KALRN: variants seen among roughly 807,000 people sequenced by gnomAD.
The protein encoded by KALRN is kalirin RhoGEF kinase, also known as kalirin.
KALRN carries 70 observed loss-of-function variants against 353.7 expected under a neutral mutation model. That is an observed-to-expected ratio of 0.20 (90% confidence interval 0.16 to 0.24). KALRN has a LOEUF of 0.24. KALRN is among the 10% of genes least tolerant of loss of function. The probability of loss-of-function intolerance (pLI) is 1.00; values close to 1 mark genes in which losing one functional copy is unlikely to be tolerated. For synonymous variants in KALRN, 1,391 were observed against 1,434.8 expected, an observed-to-expected ratio of 0.97 and a Z score of 0.69; for missense variants, 2,791 against 3,756.7, an observed-to-expected ratio of 0.74 and a Z score of 6.72.
At chr3:124,497,727 G>A (rs565629533) in intron 33 of KALRN, among the ~76,000 whole-genome samples, 109 of 152,294 alleles carry the variant, frequency 7.2e-4, no homozygotes, top group South Asian at 4.8e-3. Flanking sequence ...ATATAACCTA[G>A]TGTTCCTAGT....
At position 124,593,028 on chromosome 3, in the gene KALRN, A is replaced by G. The variant is rs57387392; in HGVS notation, c.5182+29939A>G. On this transcript the variant is annotated intron_variant, in intron 34 of 59. Transcript: ENST00000682506. ...TCCTAAAATGTTTCTGTTTCCAGGT[A>G]TGTGCTCTTCCCAGCGCAGGATTAG... 8.3e-3 allele frequency among the ~76,000 whole-genome samples: 1,256 copies of G among 152,188 alleles called. 15 individuals carry two copies. Among genetic ancestry groups the G allele is most frequent in the African/African-American group, 0.028 (1,142 of 41,492 alleles).
intron 13 of KALRN, among the ~76,000 whole-genome samples, chr3:124,411,402 C>T (rs1309203117): frequency 7.5e-6 from 1 of 132,622 alleles, no homozygotes; most frequent in African/African-American, 2.8e-5. Context: ...TCTATAAAAA[C>T]TGTAAAAGCC....
At chr3:124,381,464 G>A (rs1342410378) in intron 10 of KALRN, among the ~76,000 whole-genome samples, 1 of 152,182 alleles carries the variant, frequency 6.6e-6, no homozygotes, top group Non-Finnish European at 1.5e-5. Flanking sequence ...TTAAGTAGAA[G>A]ACAGTTGTGA....
chr3:124,273,540 G>A (rs1025196908), intron 5 of KALRN, among the ~76,000 whole-genome samples: 3 of 152,146 alleles, frequency 2.0e-5, no homozygotes, highest in African/African-American at 4.8e-5. Context: ...TTGGACATAC[G>A]TATACACCTA....
chr3:124,411,894 C>G (rs2092193414), intron 13 of KALRN, among the ~76,000 whole-genome samples: 1 of 152,074 alleles, frequency 6.6e-6, no homozygotes, highest in Non-Finnish European at 1.5e-5. Context: ...CAAGGATGCC[C>G]CACAATAAGT....
At chr3:124,193,585 A>G (rs1291266148) in intron 1 of KALRN, among the ~76,000 whole-genome samples, 1 of 151,948 alleles carries the variant, frequency 6.6e-6, no homozygotes, top group Admixed American at 6.6e-5. Flanking sequence ...ACTCCTTTCT[A>G]CATATACAAT....
intron 34 of KALRN, among the ~76,000 whole-genome samples, chr3:124,565,598 G>A (rs2072705238): frequency 6.6e-6 from 1 of 152,236 alleles, no homozygotes; most frequent in African/African-American, 2.4e-5. Context: ...ATCAAGCACA[G>A]CAATTCATTT....
chr3:124,154,044 A>G (rs2068600631), intron 1 of KALRN, among the ~76,000 whole-genome samples: 1 of 152,176 alleles, frequency 6.6e-6, no homozygotes, highest in South Asian at 2.1e-4. Flanking sequence ...GTAGGTTGCA[A>G]AAATTTTCTC....
intron 3 of KALRN, among the ~76,000 whole-genome samples, chr3:124,257,465 G>A (rs1036269540): frequency 1.3e-5 from 2 of 152,230 alleles, no homozygotes; most frequent in African/African-American, 2.4e-5. Context: ...AGATAGCACA[G>A]GCTTACTAAG....
In KALRN at chr3:124,667,024, G is replaced by A. The variant is rs2085724878; in HGVS notation, c.6544G>A (p.Val2182Ile). Residue 2182 changes from valine to isoleucine, a missense_variant, in exon 47 of 60, where the codon GTC becomes ATC. Around this residue, in one of 11 missense-constraint regions of KALRN, gnomAD observed 1,065 missense variants for 1,156.4 expected, o/e 0.92. Transcript: ENST00000682506. ...FKRSIKMNYLVLEENVDNDPC... is the reference protein window; with the variant it reads ...FKRSIKMNYLILEENVDNDPC... The stretch of plus-strand genomic sequence containing the variant: ...CGTTTTCTTCCAGATGAATTACTTG[G>A]TCCTGGAGGAGAATGTGGACAATGA... 1 of 1,608,534 alleles carries A rather than the reference G, an allele frequency of 6.2e-7. No individual in the cohort carries two copies. Among genetic ancestry groups the A allele is most frequent in the Non-Finnish European group, 8.5e-7 (1 of 1,175,986 alleles).
At chr3:124,361,774 C>T (rs911986428) in intron 10 of KALRN, among the ~76,000 whole-genome samples, 4 of 127,502 alleles carry the variant, frequency 3.1e-5, no homozygotes, top group African/African-American at 1.2e-4. Flanking sequence ...TCCATAAAAC[C>T]GGCTGGGGTG....
chr3:124,412,132 G>A (rs528580849), intron 13 of KALRN, among the ~76,000 whole-genome samples: 1 of 152,256 alleles, frequency 6.6e-6, no homozygotes, highest in South Asian at 2.1e-4. Flanking sequence ...CCTTGTGAGG[G>A]GCTGCTTGGC....
chr3:124,057,022 T>A (rs2041613537), intron 1 of KALRN, among the ~76,000 whole-genome samples: 1 of 152,250 alleles, frequency 6.6e-6, no homozygotes, highest in African/African-American at 2.4e-5. Flanking sequence ...GCAAATCTTT[T>A]TCCCCAGAGT....
intron 45 of KALRN, among the ~76,000 whole-genome samples, chr3:124,666,248 C>T (rs996134038): frequency 2.6e-5 from 4 of 152,216 alleles, no homozygotes; most frequent in Non-Finnish European, 5.9e-5. Context: ...CCCTCCAGGG[C>T]CCTTGTGTGA....
intron 38 of KALRN, among the ~76,000 whole-genome samples, chr3:124,654,065 A>T (rs2083712060): frequency 6.6e-6 from 1 of 152,234 alleles, no homozygotes; most frequent in Non-Finnish European, 1.5e-5. Flanking sequence ...TATCGCCTGG[A>T]GACAGAGAGC....
At chr3:124,138,171 C>G (rs1253542925) in intron 1 of KALRN, among the ~76,000 whole-genome samples, 1 of 152,162 alleles carries the variant, frequency 6.6e-6, no homozygotes, top group African/African-American at 2.4e-5. Flanking sequence ...TTCTCTTTGC[C>G]CCTCACTGCC....
At chr3:124,296,030 C>T (rs1316120667) in intron 5 of KALRN, among the ~76,000 whole-genome samples, 2 of 152,156 alleles carry the variant, frequency 1.3e-5, no homozygotes, top group African/African-American at 4.8e-5. Flanking sequence ...AAGAATGGTC[C>T]TTTCGTCCTT....
chr3:124,636,435 C>A (rs905342008), intron 36 of KALRN, among the ~76,000 whole-genome samples: 1 of 152,232 alleles, frequency 6.6e-6, no homozygotes, highest in Non-Finnish European at 1.5e-5. Context: ...CAACTCCTCA[C>A]TGCTGGTGCA....
intron 3 of KALRN, among the ~76,000 whole-genome samples, chr3:124,261,342 A>T (rs2072840622): frequency 6.6e-6 from 1 of 152,212 alleles, no homozygotes; most frequent in Admixed American, 6.5e-5. Context: ...TAATGAAATG[A>T]TGTATGGCAA....
Sources: gnomAD v4.1 joint callset for allele counts (sites outside exome capture counted in the v4.1 genomes callset) on GRCh38, gnomAD v4.1.1 for gene constraint, gnomAD v4.1.1 regional missense constraint, MANE v1.5 for transcripts, NCBI Gene and HGNC (gene_info 2026-07-23, HGNC 2026-07-21) for gene names.